Variants in TBCK observed in about 807,000 individuals in gnomAD.
The protein encoded by TBCK is TBC1 domain containing kinase, also known as TBC domain-containing protein kinase-like protein.
Under a neutral mutation model 113.4 loss-of-function variants are expected in TBCK, and 99 were observed. That is an observed-to-expected ratio of 0.87 (90% CI 0.74 to 1.03). The LOEUF is 1.03. Among genes scored for constraint, TBCK ranks in the 50% least tolerant of loss-of-function variants. The pLI is 0.00. For synonymous variants in TBCK, 369 were observed against 370.8 expected (o/e 1.00, Z 0.05); for missense variants, 1,045 against 1,061.3 (o/e 0.98, Z 0.21).
chr4:106,200,153 C>T (rs1754713252), intron 20 of TBCK, among the ~76,000 whole-genome samples: 1 of 152,230 alleles, frequency 6.6e-6, no homozygotes, highest in Non-Finnish European at 1.5e-5. Flanking sequence ...GCAACTGCTG[C>T]TGCTTTCGCT....
intron 24 of TBCK, among the ~76,000 whole-genome samples, chr4:106,110,051 A>T (rs1742661898): frequency 6.6e-6 from 1 of 152,206 alleles, no homozygotes; most frequent in Non-Finnish European, 1.5e-5. Context: ...CCTGGCCTTT[A>T]ATCATCCACG....
At chr4:106,172,800 C>G (rs1305724313) in intron 22 of TBCK, among the ~76,000 whole-genome samples, 1 of 152,052 alleles carries the variant, frequency 6.6e-6, no homozygotes, top group African/African-American at 2.4e-5. Context: ...TATACTTTCA[C>G]TTAATCCATT....
chr4:106,316,224 CT>C (rs1768845213), upstream of TBCK: 1 of 264,976 alleles, frequency 3.8e-6, no homozygotes, highest in African/African-American at 2.2e-5. Context: ...TCCCCTCAGC[CT>C]GGCCTTTTCT....
In TBCK at chr4:106,220,408, C is replaced by CT. The variant is rs1033091022; in HGVS notation, c.1775-7574dup. Among the ~76,000 whole-genome samples the CT allele has an allele frequency of 9.4e-4, 143 of 151,768 alleles. 2 individuals are homozygous for CT. In the East Asian group the frequency reaches 0.024, roughly 26 times the overall value. ...GAAATGTAAGTCCAATTAAACCTCT[C>CT]TTTTTTTTTCCAGTATCGGGCATGT... On this transcript the variant is annotated intron_variant, in intron 19 of 25. Transcript: ENST00000394708.
intron 25 of TBCK, among the ~76,000 whole-genome samples, chr4:106,073,749 T>C (rs931255760): frequency 2.6e-5 from 4 of 152,272 alleles, no homozygotes; most frequent in African/African-American, 7.2e-5. Context: ...GTAGGCCTCA[T>C]TGAGCTGCGG....
chr4:106,316,571 G>A, upstream of TBCK: 5 of 1,551,584 alleles, frequency 3.2e-6, no homozygotes, highest in Non-Finnish European at 4.4e-6. Flanking sequence ...TGGCTGTCTC[G>A]GAACCCGTGG....
chr4:106,120,274 G>T (rs111540390), intron 23 of TBCK, among the ~76,000 whole-genome samples: 13 of 152,060 alleles, frequency 8.5e-5, no homozygotes, highest in African/African-American at 2.7e-4. Context: ...AAAAAACGGC[G>T]CACCACGAGA....
At chr4:106,145,254 G>C (rs1449667095) in intron 23 of TBCK, among the ~76,000 whole-genome samples, 1 of 151,370 alleles carries the variant, frequency 6.6e-6, no homozygotes, top group African/African-American at 2.4e-5. Flanking sequence ...GGAGGTGGAG[G>C]TTGCAGTGAG....
At chr4:106,150,299 A>G (rs994337103) in intron 23 of TBCK, among the ~76,000 whole-genome samples, 10 of 152,210 alleles carry the variant, frequency 6.6e-5, no homozygotes, top group Non-Finnish European at 1.3e-4. Context: ...ATGATCACAA[A>G]TATGAATGCC....
At chr4:106,137,735 A>C (rs1746722223) in intron 23 of TBCK, among the ~76,000 whole-genome samples, 1 of 140,544 alleles carries the variant, frequency 7.1e-6, no homozygotes, top group South Asian at 2.4e-4. Context: ...CCCCTCAAAC[A>C]GAAGAGAGAC....
chr4:106,082,939 A>G (rs887133726), intron 25 of TBCK, among the ~76,000 whole-genome samples: 14 of 152,356 alleles, frequency 9.2e-5, no homozygotes, highest in African/African-American at 2.9e-4. Flanking sequence ...TGCTTTTCAA[A>G]TTGAACTGTG....
chr4:106,300,452 A>G (rs1268792098), intron 2 of TBCK, among the ~76,000 whole-genome samples: 1 of 152,220 alleles, frequency 6.6e-6, no homozygotes, highest in Non-Finnish European at 1.5e-5. Context: ...TCTTAAAATA[A>G]TATAAAGGGT....
chr4:106,200,784 T>C (rs569743385), intron 20 of TBCK, among the ~76,000 whole-genome samples: 7 of 152,216 alleles, frequency 4.6e-5, no homozygotes, highest in African/African-American at 9.6e-5. Flanking sequence ...CAAATATTTG[T>C]TGAAAGGATC....
intron 13 of TBCK, 79 bp from the exon 14 acceptor site, chr4:106,236,598 C>A: frequency 8.0e-7 from 1 of 1,242,412 alleles, no homozygotes; most frequent in Non-Finnish European, 1.0e-6. Context: ...CTAACTCTAC[C>A]AACAGTGATT....
intron 1 of TBCK, among the ~76,000 whole-genome samples, chr4:106,311,260 G>T (rs967759852): frequency 6.7e-6 from 1 of 150,294 alleles, no homozygotes; most frequent in Non-Finnish European, 1.5e-5. Flanking sequence ...GTGGACCTGT[G>T]CAAGAAAGAT....
At chr4:106,105,403 G>A (rs1742031931) in intron 24 of TBCK, among the ~76,000 whole-genome samples, 1 of 152,222 alleles carries the variant, frequency 6.6e-6, no homozygotes, top group African/African-American at 2.4e-5. Context: ...TCTAAGCTGG[G>A]GAAGGAATAT....
At chr4:106,222,543 G>A (rs1181438867) in intron 19 of TBCK, among the ~76,000 whole-genome samples, 1 of 152,020 alleles carries the variant, frequency 6.6e-6, no homozygotes, top group African/African-American at 2.4e-5. Flanking sequence ...GATGATGGGT[G>A]GGATTTAAAA....
intron 23 of TBCK, among the ~76,000 whole-genome samples, chr4:106,119,284 A>G (rs973827258): frequency 6.6e-6 from 1 of 152,156 alleles, no homozygotes; most frequent in Admixed American, 6.5e-5. Context: ...ATGTCCATCA[A>G]TTTATCATTT....
intron 24 of TBCK, among the ~76,000 whole-genome samples, chr4:106,108,156 T>A (rs1184413335): frequency 6.6e-6 from 1 of 152,136 alleles, no homozygotes; most frequent in Non-Finnish European, 1.5e-5. Context: ...GATGGATTCA[T>A]AACCAAATTC....
Sources: gnomAD v4.1 joint callset for allele counts (sites outside exome capture counted in the v4.1 genomes callset) on GRCh38, gnomAD v4.1.1 for gene constraint, MANE v1.5 for transcripts, NCBI Gene and HGNC (gene_info 2026-07-23, HGNC 2026-07-21) for gene names.